The following NECAP1 variants were observed in gnomAD, a reference collection of about 807,000 sequenced individuals.
NECAP1 encodes the protein adaptin ear-binding coat-associated protein 1.
A neutral mutation model predicts 33.4 loss-of-function variants in NECAP1; 13 were observed. The observed-to-expected ratio is 0.39, with a 90% confidence interval of 0.25 to 0.62. The LOEUF (loss-of-function observed/expected upper bound fraction) is 0.62, where lower values mean the gene tolerates loss of function less well. Among genes scored for constraint, NECAP1 ranks in the 20% least tolerant of loss-of-function variants. The pLI is 0.52. For synonymous variants in NECAP1, 109 were observed against 125.2 expected, an observed-to-expected ratio of 0.87 and a Z score of 0.86; for missense variants, 272 against 347.4, an observed-to-expected ratio of 0.78 and a Z score of 1.73.
At chr12:8,084,655 T>C (rs947967891) in intron 1 of NECAP1, among the ~76,000 whole-genome samples, 1 of 152,220 alleles carries the variant, frequency 6.6e-6, no homozygotes, top group Non-Finnish European at 1.5e-5. Flanking sequence ...TTTGGTTTTC[T>C]GTTCCTGCAT....
intron 1 of NECAP1, among the ~76,000 whole-genome samples, chr12:8,085,686 CTTTTTT>C (rs554942626): frequency 4.9e-4 from 51 of 104,770 alleles, no homozygotes; most frequent in South Asian, 1.3e-3. Flanking sequence ...ACTTAATCTT[CTTTTTT>C]TTTTTTTTTT....
chr12:8,091,498 A>G (rs1947543524), intron 3 of NECAP1: 3 of 445,434 alleles, frequency 6.7e-6, no homozygotes, highest in African/African-American at 4.0e-5. Flanking sequence ...TAGGGAGCTC[A>G]TAACCTAGAT....
At chr12:8,084,645 T>G (rs917810391) in intron 1 of NECAP1, among the ~76,000 whole-genome samples, 6 of 152,158 alleles carry the variant, frequency 3.9e-5, no homozygotes, top group African/African-American at 1.4e-4. Flanking sequence ...ACATGTGGTG[T>G]TTGGTTTTCT....
Position 8,091,799 on chromosome 12 carries a change from C to T in NECAP1, c.332C>T (p.Thr111Ile). ...AGTGCTTTCATTGGCATTGGCTTCA[C>T]AGATCGGGGAGATGCCTTCGACTTT... The part of the protein sequence containing the change: ...GRSAFIGIGF[T>I]DRGDAFDFNV... Residue 111 changes from threonine to isoleucine, a missense_variant, in exon 4 of 8, where the codon ACA (threonine) becomes ATA (isoleucine). By Grantham distance (89) the Thr-to-Ile change is moderately conservative. Transcript: ENST00000339754. 1 of 1,614,064 alleles carries T rather than the reference C, an allele frequency of 6.2e-7. No individual in the cohort carries two copies.
intron 1 of NECAP1, among the ~76,000 whole-genome samples, chr12:8,084,554 C>A (rs894824453): frequency 6.6e-6 from 1 of 152,104 alleles, no homozygotes; most frequent in Admixed American, 6.6e-5. Context: ...CCTCGCCCCT[C>A]CCCCGAGAGG....
intron 1 of NECAP1, 79 bp from the exon 2 acceptor site, chr12:8,089,857 A>T (rs1375247973): frequency 9.6e-7 from 1 of 1,041,422 alleles, no homozygotes; most frequent in Non-Finnish European, 1.5e-6. Context: ...ATAGGGAAAT[A>T]GAAATACAGT....
At chr12:8,086,540 G>C (rs978930705) in intron 1 of NECAP1, among the ~76,000 whole-genome samples, 20 of 152,196 alleles carry the variant, frequency 1.3e-4, no homozygotes, top group African/African-American at 4.8e-4. Context: ...TTTGAACCCG[G>C]GAGGCGGAGG....
intron 1 of NECAP1, 72 bp downstream of exon 1, chr12:8,082,455 C>T (rs1591593518): frequency 7.4e-7 from 1 of 1,350,376 alleles, no homozygotes; most frequent in Non-Finnish European, 1.0e-6. Context: ...AGCTAGCACG[C>T]TGTCCGTCCC....
Position 8,089,937 on chromosome 12 carries a change from G to C in NECAP1, c.97G>C (p.Ala33Pro), listed in dbSNP as rs1947527226. The change falls in exon 2 of 8, where the codon GCC becomes CCC. Residue 33 changes from alanine (A) to proline (P), a missense_variant and splice_region_variant. Physicochemically the swap from Ala to Pro is conservative, Grantham distance 27 (BLOSUM62 -1). Transcript: ENST00000339754. ...PPRASNRGYRASDWKLDQPDW... is the reference protein window; with the variant it reads ...PPRASNRGYRPSDWKLDQPDW... The stretch of plus-strand genomic sequence containing the variant: ...AGGCTTCCTCTTTTCCTGTCCTAGG[G>C]CCTCTGACTGGAAATTAGACCAGCC... 6.2e-7 allele frequency: 1 copy of C among 1,613,360 alleles called. No homozygotes were observed. The highest frequency in any genetic ancestry group is 2.2e-5 in the East Asian group (1 of 44,870).
rs1163007504 is a variant in NECAP1, at chr12:8,082,393, C to G, written c.95+10C>G. On this transcript the variant is annotated intron_variant, in intron 1 of 7. Transcript: ENST00000339754. Reference sequence around the variant, plus strand: ...CCAACCGCGGTTACAGGTACTAACCCCGAGGCGCTGCCGCACACGCGTACT... The same window carrying G: ...CCAACCGCGGTTACAGGTACTAACCGCGAGGCGCTGCCGCACACGCGTACT... 6.2e-7 allele frequency: 1 copy of G among 1,612,100 alleles called. No homozygotes were observed. The highest frequency in any genetic ancestry group is 1.3e-5 in the African/African-American group (1 of 75,000).
intron 6 of NECAP1, chr12:8,093,394 T>A (rs1376692873): frequency 4.0e-6 from 1 of 248,140 alleles, no homozygotes; most frequent in African/African-American, 2.3e-5. Flanking sequence ...ATTACTTAAG[T>A]TTTTTGAGTT....
At chr12:8,089,700 T>TCTTTTTAATGATG (rs760703666) in intron 1 of NECAP1, 64 of 481,476 alleles carry the variant, frequency 1.3e-4, no homozygotes, top group Non-Finnish European at 2.2e-4. Flanking sequence ...TGCTTTTCCA[T>TCTTTTTAATGATG]CTTTTTAATG....
intron 6 of NECAP1, among the ~76,000 whole-genome samples, chr12:8,094,119 G>A (rs1208816175): frequency 6.6e-6 from 1 of 152,082 alleles, no homozygotes; most frequent in East Asian, 1.9e-4. Context: ...GATTACTAAG[G>A]GTAAGCTTTC....
intron 4 of NECAP1, 38 bp downstream of exon 4, chr12:8,091,888 T>C: frequency 6.5e-7 from 1 of 1,547,214 alleles, no homozygotes; most frequent in Non-Finnish European, 8.9e-7. Flanking sequence ...GGCTGAATGC[T>C]TATAGGAATG....
At chr12:8,090,376 T>A in intron 3 of NECAP1, 77 bp downstream of exon 3, 2 of 1,258,860 alleles carry the variant, frequency 1.6e-6, no homozygotes, top group Non-Finnish European at 2.3e-6. Flanking sequence ...TGTTTCCGAT[T>A]GCATTTATCT....
intron 3 of NECAP1, 86 bp from the exon 4 acceptor site, chr12:8,091,683 C>T (rs754123776): frequency 3.0e-5 from 36 of 1,184,302 alleles, no homozygotes; most frequent in East Asian, 2.6e-4. Context: ...GGCCTGGTTT[C>T]TAACAGGCCA....
rs115829851 is a variant in NECAP1 at position 8,089,855 on chromosome 12, A to G, written c.96-81A>G. On this transcript the variant is annotated intron_variant, in intron 1 of 7. Coordinates refer to ENST00000339754, the MANE Select transcript of NECAP1 (RefSeq NM_015509.4). ...AGAATAGGCAATCCAGGATAGGGAA[A>G]TAGAAATACAGTCAAAGATTGTGGG... is the stretch of plus-strand genomic sequence containing the variant. The G allele has an allele frequency of 1.2e-3, 1,204 of 1,027,052 alleles. 9 individuals carry two copies. In the African/African-American group the frequency reaches 0.016, roughly 14 times the overall value. The allele number at this position is 1,027,052 out of a possible 1,614,324, so 63.6% of individuals were successfully genotyped here. A position where few individuals can be genotyped will look rare whatever the true frequency, so the allele number is the denominator to read the frequency against.
rs148192941 is a variant in NECAP1, at chr12:8,092,949, G to T, written c.570G>T (p.Pro190=). Residue 190 remains proline, a synonymous_variant, in exon 6 of 8, where the codon CCG becomes CCT. Transcript: ENST00000339754. The stretch of plus-strand genomic sequence containing the variant: ...GGGGTCTGAGCTTACTCCCACCCCC[G>T]CCAGGAGGCAAAGTCACTATTCCCC... ...RGGGLSLLPP[P]PGGKVTIPPP... The T allele has an allele frequency of 1.9e-6, 3 of 1,604,818 alleles. No individual in the cohort carries two copies. In the East Asian group the frequency reaches 6.7e-5, roughly 36 times the overall value.
chr12:8,082,505 C>T, intron 1 of NECAP1, 122 bp downstream of exon 1: 1 of 870,754 alleles, frequency 1.1e-6, no homozygotes, highest in Non-Finnish European at 1.8e-6. Context: ...GCTAGCCTCC[C>T]TACCTGGGTT....
Sources: allele counts gnomAD v4.1 joint callset (sites outside exome capture counted in the v4.1 genomes callset), GRCh38; gene constraint gnomAD v4.1.1; transcripts MANE v1.5; gene names NCBI Gene and HGNC (gene_info 2026-07-23, HGNC 2026-07-21).